The following GABRG3 variants were observed in gnomAD, a reference collection of about 807,000 sequenced individuals.
The protein encoded by GABRG3 is gamma-aminobutyric acid type A receptor subunit gamma3.
A neutral mutation model predicts 48.8 loss-of-function variants in GABRG3; 25 were observed. That is an observed-to-expected ratio of 0.51 (90% CI 0.37 to 0.72). The LOEUF (loss-of-function observed/expected upper bound fraction) is 0.72, where lower values mean the gene tolerates loss of function less well. GABRG3 is among the 30% of genes least tolerant of loss of function. The pLI is 0.00. For missense variants in GABRG3, 394 were observed against 577.9 expected, an observed-to-expected ratio of 0.68 and a Z score of 3.26; for synonymous variants, 227 against 217.6, an observed-to-expected ratio of 1.04 and a Z score of -0.38.
chr15:27,128,457 C>T (rs554932513), intron 3 of GABRG3, among the ~76,000 whole-genome samples: 8 of 152,262 alleles, frequency 5.3e-5, no homozygotes, highest in East Asian at 1.9e-4. Context: ...ATCCATTGAG[C>T]GAGTCATCTG....
chr15:27,042,785 G>A (rs865863642), intron 3 of GABRG3, among the ~76,000 whole-genome samples: 5 of 152,206 alleles, frequency 3.3e-5, no homozygotes, highest in African/African-American at 4.8e-5. Flanking sequence ...TCTCACCGTC[G>A]GGTCTGACAG....
intron 2 of GABRG3, among the ~76,000 whole-genome samples, chr15:26,998,242 A>G (rs1295135362): frequency 6.6e-6 from 1 of 152,070 alleles, no homozygotes; most frequent in Non-Finnish European, 1.5e-5. Flanking sequence ...CGGCTTCTTG[A>G]TTGCTCTCCA....
intron 3 of GABRG3, among the ~76,000 whole-genome samples, chr15:27,144,544 A>C (rs1898163589): frequency 6.6e-6 from 1 of 151,806 alleles, no homozygotes; most frequent in African/African-American, 2.4e-5. Flanking sequence ...TGGCAATACA[A>C]GTTGGGGGAG....
At chr15:27,267,359 A>C (rs906396730) in intron 3 of GABRG3, among the ~76,000 whole-genome samples, 1 of 151,992 alleles carries the variant, frequency 6.6e-6, no homozygotes, top group African/African-American at 2.4e-5. Context: ...TGCCTGCCTC[A>C]GTCTCCCAAA....
chr15:27,055,161 G>T (rs912935693), intron 3 of GABRG3, among the ~76,000 whole-genome samples: 8 of 152,114 alleles, frequency 5.3e-5, no homozygotes, highest in Non-Finnish European at 7.3e-5. Context: ...CACCAGAGCA[G>T]CCTGTGATAG....
chr15:27,247,033 G>T (rs1890292017), intron 3 of GABRG3, among the ~76,000 whole-genome samples: 1 of 152,112 alleles, frequency 6.6e-6, no homozygotes, highest in South Asian at 2.1e-4. Flanking sequence ...GCACAATCTG[G>T]GTGCAAGCAA....
At chr15:27,109,467 C>T (rs771754960) in intron 3 of GABRG3, among the ~76,000 whole-genome samples, 27 of 152,176 alleles carry the variant, frequency 1.8e-4, no homozygotes, top group Non-Finnish European at 2.9e-4. Flanking sequence ...ACCTCCGATC[C>T]CCTGTGTTCT....
At chr15:27,119,594 G>A (rs1897697738) in intron 3 of GABRG3, among the ~76,000 whole-genome samples, 1 of 152,168 alleles carries the variant, frequency 6.6e-6, no homozygotes, top group African/African-American at 2.4e-5. Context: ...CTTTGGTTAA[G>A]GTCTAATGAG....
chr15:27,070,828 G>A (rs1896814682), intron 3 of GABRG3, among the ~76,000 whole-genome samples: 1 of 152,154 alleles, frequency 6.6e-6, no homozygotes, highest in African/African-American at 2.4e-5. Flanking sequence ...ATCTTATTCT[G>A]AATTTAGAAA....
chr15:27,315,439 G>A (rs1893180002), intron 3 of GABRG3, among the ~76,000 whole-genome samples: 1 of 152,194 alleles, frequency 6.6e-6, no homozygotes, highest in African/African-American at 2.4e-5. Flanking sequence ...TGAAATGTAT[G>A]CTCTTTCATG....
intron 3 of GABRG3, among the ~76,000 whole-genome samples, chr15:27,051,476 A>G (rs966029812): frequency 9.2e-5 from 14 of 152,116 alleles, no homozygotes; most frequent in Admixed American, 7.2e-4. Flanking sequence ...CAAGGTGGTG[A>G]TATTAGGAGG....
intron 3 of GABRG3, among the ~76,000 whole-genome samples, chr15:27,224,281 T>C (rs768834135): frequency 1.2e-4 from 18 of 152,230 alleles, no homozygotes; most frequent in Non-Finnish European, 2.5e-4. Flanking sequence ...ACCAAGCTGC[T>C]AAATTTAAAT....
chr15:27,130,618 G>T (rs1222573516), intron 3 of GABRG3, among the ~76,000 whole-genome samples: 2 of 151,948 alleles, frequency 1.3e-5, no homozygotes, highest in African/African-American at 4.8e-5. Context: ...TAAATCTATA[G>T]ATCACTTTGG....
In GABRG3 at chr15:27,536,660, T is replaced by C. The variant is rs1238459147; in HGVS notation, c.*3779T>C. On this transcript the variant is annotated 3_prime_UTR_variant, in exon 10 of 10. Coordinates refer to ENST00000615808, the MANE Select transcript of GABRG3 (RefSeq NM_033223.5). ...ATCTAAAATGTCAGCAACACAGTCC[T>C]GATGGGGATGAGTGTCTCTAATAGA... 1.3e-5 allele frequency: 2 copies of C among 152,150 alleles called. No homozygotes were observed. The highest frequency in any genetic ancestry group is 4.8e-5 in the African/African-American group (2 of 41,410). The allele number at this position is 152,150 out of a possible 1,614,324, so 9.4% of individuals were successfully genotyped here.
At chr15:27,331,087 C>A (rs966699460) in intron 5 of GABRG3, among the ~76,000 whole-genome samples, 2 of 152,138 alleles carry the variant, frequency 1.3e-5, no homozygotes, top group Non-Finnish European at 1.5e-5. Context: ...GAAACACTGG[C>A]AACCTTAAAT....
chr15:27,002,907 G>A (rs1317851849), intron 2 of GABRG3, among the ~76,000 whole-genome samples: 1 of 152,014 alleles, frequency 6.6e-6, no homozygotes, highest in African/African-American at 2.4e-5. Flanking sequence ...TGAGGTTACA[G>A]TGAGCTACGA....
chr15:27,164,446 A>G (rs1290485686), intron 3 of GABRG3, among the ~76,000 whole-genome samples: 2 of 152,238 alleles, frequency 1.3e-5, no homozygotes, highest in Non-Finnish European at 2.9e-5. Context: ...TAGTGTTAGT[A>G]TTAGCACACA....
chr15:27,182,492 C>T (rs534560274), intron 3 of GABRG3, among the ~76,000 whole-genome samples: 5 of 152,246 alleles, frequency 3.3e-5, no homozygotes, highest in African/African-American at 1.2e-4. Flanking sequence ...ATCAAGCTGA[C>T]TGTGTTTGAA....
chr15:27,194,591 C>T (rs1220333097), intron 3 of GABRG3, among the ~76,000 whole-genome samples: 3 of 152,136 alleles, frequency 2.0e-5, no homozygotes, highest in Non-Finnish European at 4.4e-5. Flanking sequence ...GTCCAATTTC[C>T]TTCTAGCATT....
Sources: allele counts gnomAD v4.1 joint callset (sites outside exome capture counted in the v4.1 genomes callset), GRCh38; gene constraint gnomAD v4.1.1; transcripts MANE v1.5; gene names NCBI Gene and HGNC (gene_info 2026-07-23, HGNC 2026-07-21).